SMG7: variants seen among roughly 807,000 people sequenced by gnomAD.
SMG7 encodes the protein nonsense-mediated mRNA decay factor SMG7.
In SMG7, 34 loss-of-function variants were observed where a neutral mutation model predicts 148.2. The ratio of observed to expected loss-of-function variants is 0.23; its 90% CI spans 0.17 to 0.31. The LOEUF is 0.31. Among genes scored for constraint, SMG7 ranks in the 10% least tolerant of loss-of-function variants. The pLI is 1.00. For missense variants in SMG7, 1,114 were observed against 1,408.4 expected, an observed-to-expected ratio of 0.79 and a Z score of 3.35; for synonymous variants, 492 against 515.1, an observed-to-expected ratio of 0.96 and a Z score of 0.61.
chr1:183,507,035 C>T (rs1030725683), intron 1 of SMG7, among the ~76,000 whole-genome samples: 3 of 151,918 alleles, frequency 2.0e-5, no homozygotes, highest in Non-Finnish European at 4.4e-5. Flanking sequence ...CATGCCACCA[C>T]GCCAGGCTAA....
At chr1:183,543,487 GA>G (rs776454221) in intron 14 of SMG7, among the ~76,000 whole-genome samples, 2,330 of 144,644 alleles carry the variant, frequency 0.016, 52 homozygotes, top group African/African-American at 0.053. Context: ...GGAAAGGCAA[GA>G]AAAAAAAAAA....
intron 20 of SMG7, among the ~76,000 whole-genome samples, chr1:183,550,243 CT>C (rs1041441358): frequency 6.0e-5 from 9 of 149,412 alleles, no homozygotes; most frequent in South Asian, 2.1e-4. Flanking sequence ...AAAAATTGCA[CT>C]TTTTTTTTTG....
At chr1:183,524,749 A>G (rs1258686506) in intron 4 of SMG7, among the ~76,000 whole-genome samples, 1 of 152,200 alleles carries the variant, frequency 6.6e-6, no homozygotes, top group African/African-American at 2.4e-5. Context: ...CTTTATATCT[A>G]TGTATACTGT....
rs1670906528 is a variant in SMG7 at position 183,550,848 on chromosome 1, C to T, written c.3231C>T (p.Ser1077=). The change falls in exon 21 of 23, where the codon TCC becomes TCT. Residue 1077 remains serine (S), a synonymous_variant. Coordinates refer to ENST00000688051, the MANE Select transcript of SMG7 (RefSeq NM_001375584.1). ...ACAACCATAATTCTGTTCCATTCTC[C>T]AATTTTGGACCCATTGGGACTCCAG... is the stretch of plus-strand genomic sequence containing the variant. The part of the protein sequence containing the change: ...PTHNHNSVPF[S]NFGPIGTPDN... The T allele has an allele frequency of 1.9e-6, 3 of 1,613,980 alleles. No homozygotes were observed. Among genetic ancestry groups the T allele is most frequent in the African/African-American group, 1.3e-5 (1 of 74,908 alleles).
intron 1 of SMG7, among the ~76,000 whole-genome samples, chr1:183,497,312 C>G (rs1255324032): frequency 2.6e-5 from 4 of 152,168 alleles, no homozygotes; most frequent in Non-Finnish European, 5.9e-5. Context: ...CCCAAGTGGT[C>G]TGTCATCCTC....
chr1:183,483,270 T>G (rs890566657), intron 1 of SMG7, among the ~76,000 whole-genome samples: 9 of 152,144 alleles, frequency 5.9e-5, no homozygotes, highest in African/African-American at 1.9e-4. Flanking sequence ...TTCAGTGCTG[T>G]GTTAGTTGGG....
Position 183,553,260 on chromosome 1 carries a change from CAG to C in SMG7, c.*1331_*1332del, listed in dbSNP as rs550336981. 4 of 1,426,384 alleles carry C rather than the reference CAG, an allele frequency of 2.8e-6. No homozygotes were observed. In the African/African-American group the frequency reaches 4.3e-5, roughly 15 times the overall value. The allele number at this position is 1,426,384 out of a possible 1,614,324, so 88.4% of individuals were successfully genotyped here. ...GACTGAAAATGTTCTTGTGTAGAAA[CAG>C]AAGGACAGCATTTCTGTTAGTCATT... On this transcript the variant is annotated 3_prime_UTR_variant, in exon 23 of 23. Transcript: ENST00000688051.
At position 183,550,674 on chromosome 1, in the gene SMG7, A is replaced by T. The variant is rs958687410; in HGVS notation, c.3134-77A>T. ...TTGTTAGTAGAATTTTAGTGATCAG[A>T]TCTACAGGAACCTGTAGTTCTTTGT... On this transcript the variant is annotated intron_variant, in intron 20 of 22. Coordinates refer to ENST00000688051, the MANE Select transcript of SMG7 (RefSeq NM_001375584.1). 4 of 1,418,530 alleles carry T rather than the reference A, an allele frequency of 2.8e-6. No homozygotes were observed. The African/African-American group carries it at 5.7e-5, about 20-fold the overall frequency. 87.9% of individuals were successfully genotyped at this position (1,418,530 alleles called of 1,614,324 possible).
chr1:183,552,763 C>CA lies in SMG7; in HGVS notation c.*834dup, dbSNP rs1354228180. The CA allele has an allele frequency of 2.2e-6, 3 of 1,389,606 alleles. No homozygotes were observed. In the African/African-American group the frequency reaches 4.4e-5, roughly 20 times the overall value. 86.1% of individuals were successfully genotyped at this position (1,389,606 alleles called of 1,614,324 possible). On this transcript the variant is annotated 3_prime_UTR_variant, in exon 23 of 23. Coordinates refer to ENST00000688051, the MANE Select transcript of SMG7 (RefSeq NM_001375584.1). ...TCCTGTACATTTTACAGTCGCACAG[C>CA]AAGCAGTCTCACAGAAGGCAGGCTA...
At chr1:183,546,734 C>G (rs2102786300) in intron 17 of SMG7, among the ~76,000 whole-genome samples, 1 of 152,284 alleles carries the variant, frequency 6.6e-6, no homozygotes, top group African/African-American at 2.4e-5. Context: ...CAGTGGAGGT[C>G]CCTTTCTTTG....
chr1:183,552,214 CCTT>C lies in SMG7; in HGVS notation c.*286_*288del. ...AGTTACTTGGTATCACCGCCTCTCA[CCTT>C]CTCCATCGTGCATGTCCCCAGCCAC... On this transcript the variant is annotated 3_prime_UTR_variant, in exon 23 of 23. Coordinates refer to ENST00000688051, the MANE Select transcript of SMG7 (RefSeq NM_001375584.1). 9.3e-7 allele frequency: 1 copy of C among 1,075,466 alleles called. No individual in the cohort carries two copies. The highest frequency in any genetic ancestry group is 1.1e-6 in the Non-Finnish European group (1 of 887,058). The allele number at this position is 1,075,466 out of a possible 1,614,324, so 66.6% of individuals were successfully genotyped here. A position where few individuals can be genotyped will look rare whatever the true frequency, so the allele number is the denominator to read the frequency against.
chr1:183,486,543 TG>T (rs1280479222), intron 1 of SMG7, among the ~76,000 whole-genome samples: 1 of 152,182 alleles, frequency 6.6e-6, no homozygotes, highest in Admixed American at 6.5e-5. Context: ...GCTGAGTAGC[TG>T]GGATTACAGG....
intron 1 of SMG7, among the ~76,000 whole-genome samples, chr1:183,495,356 C>T (rs754351130): frequency 6.6e-5 from 10 of 152,030 alleles, no homozygotes; most frequent in African/African-American, 1.4e-4. Context: ...TGAGAAAATA[C>T]GGTAAACCTG....
intron 1 of SMG7, among the ~76,000 whole-genome samples, chr1:183,511,761 G>A (rs899897869): frequency 3.3e-5 from 5 of 152,150 alleles, no homozygotes; most frequent in Admixed American, 2.6e-4. Flanking sequence ...ATGAAGTGGA[G>A]GAAACAAAGC....
At chr1:183,491,895 A>G (rs969341533) in intron 1 of SMG7, among the ~76,000 whole-genome samples, 3 of 152,170 alleles carry the variant, frequency 2.0e-5, no homozygotes, top group African/African-American at 7.2e-5. Flanking sequence ...TGCCTTCTCT[A>G]CAGGGGACAA....
intron 7 of SMG7, 105 bp downstream of exon 7, chr1:183,529,147 T>A: frequency 9.0e-7 from 1 of 1,116,954 alleles, no homozygotes; most frequent in Non-Finnish European, 1.3e-6. Flanking sequence ...TATGCTTCTC[T>A]TATTTCTAAA....
chr1:183,515,847 C>G, intron 2 of SMG7, 27 bp from the exon 3 acceptor site: 1 of 1,424,218 alleles, frequency 7.0e-7, no homozygotes, highest in Non-Finnish European at 9.9e-7. Flanking sequence ...ATCTATCTAC[C>G]GTTATGTTTT....
At chr1:183,543,854 G>GT (rs1464736290) in intron 14 of SMG7, among the ~76,000 whole-genome samples, 7 of 152,168 alleles carry the variant, frequency 4.6e-5, no homozygotes, top group African/African-American at 1.7e-4. Context: ...GGGTGGTAAA[G>GT]TTGCAGGGTG....
At chr1:183,481,888 T>C (rs1197126112) in intron 1 of SMG7, among the ~76,000 whole-genome samples, 1 of 152,096 alleles carries the variant, frequency 6.6e-6, no homozygotes, top group African/African-American at 2.4e-5. Flanking sequence ...TTTGAACTCC[T>C]GGCCTTAAGT....
Sources: allele counts gnomAD v4.1 joint callset (sites outside exome capture counted in the v4.1 genomes callset), GRCh38; gene constraint gnomAD v4.1.1; transcripts MANE v1.5; gene names NCBI Gene and HGNC (gene_info 2026-07-23, HGNC 2026-07-21).